PXYLP1: variants seen among roughly 807,000 people sequenced by gnomAD.
PXYLP1 encodes the protein acid phosphatase-like 2.
In PXYLP1, 17 loss-of-function variants were observed where a neutral mutation model predicts 37.9. The observed-to-expected ratio is 0.45, with a 90% confidence interval of 0.31 to 0.67. PXYLP1 has a LOEUF of 0.67. PXYLP1 is among the 30% of genes least tolerant of loss of function. The pLI is 0.07. For synonymous variants in PXYLP1, 221 were observed against 232.2 expected (o/e 0.95, Z 0.44); for missense variants, 511 against 612.0 (o/e 0.84, Z 1.74).
intron 1 of PXYLP1, among the ~76,000 whole-genome samples, chr3:141,245,407 T>C (rs1940912693): frequency 1.3e-5 from 2 of 152,164 alleles, no homozygotes; most frequent in Non-Finnish European, 2.9e-5. Flanking sequence ...TCCATCCTGG[T>C]TTTCCAAACA....
chr3:141,242,187 C>T (rs1336436279), intron 1 of PXYLP1, among the ~76,000 whole-genome samples: 1 of 152,146 alleles, frequency 6.6e-6, no homozygotes, highest in Non-Finnish European at 1.5e-5. Context: ...GCTTGTTACT[C>T]ACCCCCGCCC....
chr3:141,238,650 C>G (rs1271454077), intron 1 of PXYLP1, among the ~76,000 whole-genome samples: 1 of 151,846 alleles, frequency 6.6e-6, no homozygotes, highest in Non-Finnish European at 1.5e-5. Context: ...CATGGCCCCC[C>G]ACAGTTGAAA....
At chr3:141,288,580 A>G (rs922855395) in intron 5 of PXYLP1, among the ~76,000 whole-genome samples, 3 of 152,138 alleles carry the variant, frequency 2.0e-5, no homozygotes, top group Non-Finnish European at 4.4e-5. Context: ...TCCCTCAACT[A>G]TCATGAAGTG....
At chr3:141,246,722 C>G (rs954297159) in intron 1 of PXYLP1, among the ~76,000 whole-genome samples, 3 of 152,228 alleles carry the variant, frequency 2.0e-5, no homozygotes, top group African/African-American at 7.2e-5. Flanking sequence ...GGGAGCAAGA[C>G]TGACAAAGTT....
At chr3:141,247,536 A>G (rs1940988925) in intron 1 of PXYLP1, among the ~76,000 whole-genome samples, 1 of 152,158 alleles carries the variant, frequency 6.6e-6, no homozygotes, top group Non-Finnish European at 1.5e-5. Context: ...TTATATCACA[A>G]TCAGTGATAT....
At chr3:141,243,133 C>T (rs192599047) in intron 1 of PXYLP1, among the ~76,000 whole-genome samples, 179 of 152,246 alleles carry the variant, frequency 1.2e-3, no homozygotes, top group African/African-American at 4.1e-3. Context: ...AGAGCTACTT[C>T]TAGGATAGCA....
chr3:141,269,031 G>A (rs1386462201), intron 2 of PXYLP1, among the ~76,000 whole-genome samples: 6 of 152,360 alleles, frequency 3.9e-5, no homozygotes, highest in East Asian at 1.9e-4. Flanking sequence ...GCTCTTGTGG[G>A]ATGTCCACAT....
At position 141,248,689 on chromosome 3, in the gene PXYLP1, GTATATACACACACGTGTA is replaced by G. The variant is rs1941049366; in HGVS notation, c.-53-11422_-53-11405del. 7.4e-4 allele frequency among the ~76,000 whole-genome samples: 8 copies of G among 10,806 alleles called. 2 individuals carry two copies. The African/African-American group carries it at 9.9e-3, about 13-fold the overall frequency. 7.1% of individuals were successfully genotyped at this position (10,806 alleles called of 152,430 possible). Reference sequence around the variant, plus strand: ...TACACACACGTGTATATATACACACGTATATACACACACGTGTATATATACACACGTATATACACACAC... The same window carrying G: ...TACACACACGTGTATATATACACACGTATATACACACGTATATACACACAC... On this transcript the variant is annotated intron_variant, in intron 1 of 5. Coordinates refer to ENST00000286353, the MANE Select transcript of PXYLP1 (RefSeq NM_001037172.3).
intron 1 of PXYLP1, among the ~76,000 whole-genome samples, chr3:141,249,470 CTT>C (rs564313232): frequency 1.3e-3 from 117 of 93,098 alleles, no homozygotes; most frequent in African/African-American, 2.1e-3. Context: ...ACTTTGGAAG[CTT>C]TTTTTTTTTT....
chr3:141,277,029 TC>T (rs1240151121), intron 2 of PXYLP1, among the ~76,000 whole-genome samples: 1 of 152,246 alleles, frequency 6.6e-6, no homozygotes, highest in African/African-American at 2.4e-5. Flanking sequence ...CCTGTTCATA[TC>T]CTTTAATGAT....
Position 141,292,640 on chromosome 3 carries a change from A to AC in PXYLP1, c.882dup (p.Ile295HisfsTer23). The AC allele has an allele frequency of 6.2e-7, 1 of 1,613,496 alleles. No individual in the cohort carries two copies. The highest frequency in any genetic ancestry group is 8.5e-7 in the Non-Finnish European group (1 of 1,179,708). ...CCCACCAAGCAGCTTAGAGCTGCCA[A>AC]CCCCATAGACTCCATGCTCTGCCAC... On this transcript the variant is annotated frameshift_variant, in exon 6 of 6. Transcript: ENST00000286353. LOFTEE classifies it high-confidence loss of function. This position sits in a 1 kb window ranked among gnomAD's most constrained non-coding sequence, Gnocchi z 4.3.
chr3:141,252,283 C>T (rs961436804), intron 1 of PXYLP1, among the ~76,000 whole-genome samples: 1 of 152,264 alleles, frequency 6.6e-6, no homozygotes. Context: ...CAGCACACCC[C>T]CTGTGTTAGT....
At position 141,292,364 on chromosome 3, in the gene PXYLP1, A is replaced by G. The variant is rs1207925107; in HGVS notation, c.602A>G (p.Tyr201Cys). 1.9e-6 allele frequency: 3 copies of G among 1,614,052 alleles called. No homozygotes were observed. Among genetic ancestry groups the G allele is most frequent in the Non-Finnish European group, 1.7e-6 (2 of 1,180,050 alleles). Reference protein sequence around the residue: ...LPNDWSADQLYLETTGKSRTL... With the variant: ...LPNDWSADQLCLETTGKSRTL... ...AATGATTGGTCTGCAGACCAGCTCT[A>G]TTTAGAGACCACTGGGAAAAGCCGG... Residue 201 changes from tyrosine (Y) to cysteine (C), a missense_variant, in exon 6 of 6, where the codon TAT becomes TGT. By Grantham distance (194) the Tyr-to-Cys change is radical (BLOSUM62 -2). Coordinates refer to ENST00000286353, the MANE Select transcript of PXYLP1 (RefSeq NM_001037172.3). This position sits in a 1 kb window ranked among gnomAD's most constrained non-coding sequence, Gnocchi z 4.3.
At chr3:141,248,922 T>G (rs1443375516) in intron 1 of PXYLP1, among the ~76,000 whole-genome samples, 1 of 143,258 alleles carries the variant, frequency 7.0e-6, no homozygotes, top group Non-Finnish European at 1.5e-5. Flanking sequence ...GTGTGTGTGT[T>G]TTGAGAGCTT....
rs569220005 is a variant in PXYLP1, at chr3:141,292,314, T to C, written c.552T>C (p.Tyr184=). 4 of 1,612,316 alleles carry C rather than the reference T, an allele frequency of 2.5e-6. No homozygotes were observed. In the South Asian group the frequency reaches 3.3e-5, roughly 13 times the overall value. The part of the protein sequence containing the change: ...LQNGQLLRDI[Y]LKKHKLLPND... The stretch of plus-strand genomic sequence containing the variant: ...ACGGTCAGCTGCTGAGGGATATCTA[T>C]CTAAAGAAACACAAACTCCTGCCCA... Residue 184 remains tyrosine (Y), a synonymous_variant, in exon 6 of 6, where the codon TAT becomes TAC. Transcript: ENST00000286353. The surrounding 1 kb of genome is among the most constrained non-coding windows in gnomAD (Gnocchi z 4.3).
chr3:141,253,776 G>C (rs1333656427), intron 1 of PXYLP1, among the ~76,000 whole-genome samples: 1 of 150,220 alleles, frequency 6.7e-6, no homozygotes, highest in East Asian at 1.9e-4. Context: ...CTGTCACCCT[G>C]CTTCAACTAT....
rs747644403 is a variant in PXYLP1, at chr3:141,292,109, T to C, written c.506-159T>C. 6.6e-6 allele frequency among the ~76,000 whole-genome samples: 1 copy of C among 152,192 alleles called. No homozygotes were observed. Among genetic ancestry groups the C allele is most frequent in the Non-Finnish European group, 1.5e-5 (1 of 68,030 alleles). On this transcript the variant is annotated intron_variant, in intron 5 of 5. Transcript: ENST00000286353. The surrounding 1 kb of genome is among the most constrained non-coding windows in gnomAD (Gnocchi z 4.3). The stretch of plus-strand genomic sequence containing the variant: ...CCCAAGAGGCTCCCTTCACAAGCTG[T>C]TGTGAACTCGAGCTTGTAACTTCCA...
chr3:141,251,303 C>T (rs1941134439), intron 1 of PXYLP1, among the ~76,000 whole-genome samples: 1 of 152,212 alleles, frequency 6.6e-6, no homozygotes, highest in Non-Finnish European at 1.5e-5. Context: ...CTTCCATCTG[C>T]ATGGTGAAAG....
At chr3:141,277,256 T>C (rs988806157) in intron 2 of PXYLP1, among the ~76,000 whole-genome samples, 2 of 152,240 alleles carry the variant, frequency 1.3e-5, no homozygotes, top group African/African-American at 4.8e-5. Flanking sequence ...TTTTAGCTAT[T>C]GTTCGTGCGC....
Sources: gnomAD v4.1 joint callset for allele counts (sites outside exome capture counted in the v4.1 genomes callset) on GRCh38, gnomAD v4.1.1 for gene constraint, Gnocchi (gnomAD v3.1) non-coding constraint, MANE v1.5 for transcripts, NCBI Gene and HGNC (gene_info 2026-07-23, HGNC 2026-07-21) for gene names.